CARNMT1: variants seen among roughly 807,000 people sequenced by gnomAD.
The protein encoded by CARNMT1 is carnosine N-methyltransferase 1.
A neutral mutation model predicts 49.6 loss-of-function variants in CARNMT1; 28 were observed. The ratio of observed to expected loss-of-function variants is 0.56; its 90% CI spans 0.42 to 0.77. CARNMT1 has a LOEUF of 0.77. Among genes scored for constraint, CARNMT1 ranks in the 30% least tolerant of loss-of-function variants. The pLI is 0.00. For missense variants in CARNMT1, 421 were observed against 512.6 expected, an observed-to-expected ratio of 0.82 and a Z score of 1.73; for synonymous variants, 178 against 175.0, an observed-to-expected ratio of 1.02 and a Z score of -0.13.
chr9:74,990,208 G>A (rs549540125), intron 6 of CARNMT1, among the ~76,000 whole-genome samples: 1 of 152,216 alleles, frequency 6.6e-6, no homozygotes, highest in East Asian at 1.9e-4. Context: ...CTAACAAACT[G>A]TGCACAGTAT....
chr9:74,999,190 T>C (rs1164742748), intron 4 of CARNMT1, among the ~76,000 whole-genome samples: 1 of 152,116 alleles, frequency 6.6e-6, no homozygotes, highest in Non-Finnish European at 1.5e-5. Flanking sequence ...CGAGACAACA[T>C]ATTATTTAAA....
At chr9:75,016,043 A>C (rs1271811214) in intron 3 of CARNMT1, 1 of 394,764 alleles carries the variant, frequency 2.5e-6, no homozygotes, top group African/African-American at 2.1e-5. Context: ...TAACCTTATT[A>C]TTTAATTTCT....
At chr9:75,017,744 GTTT>G (rs1439551497) in intron 1 of CARNMT1, among the ~76,000 whole-genome samples, 1 of 152,108 alleles carries the variant, frequency 6.6e-6, no homozygotes, top group Admixed American at 6.6e-5. Context: ...TTATTTTTGT[GTTT>G]TAAACTTAAA....
intron 3 of CARNMT1, among the ~76,000 whole-genome samples, chr9:75,009,169 A>C (rs1172913736): frequency 6.6e-6 from 1 of 151,916 alleles, no homozygotes; most frequent in African/African-American, 2.4e-5. Context: ...TTAACTCAAA[A>C]TGGATCAAAG....
rs1368287060 is a variant in CARNMT1, at chr9:75,016,932, T to C, written c.426+321A>G. On this transcript the variant is annotated intron_variant, in intron 2 of 7. Coordinates refer to ENST00000376834, the MANE Select transcript of CARNMT1 (RefSeq NM_152420.3). ...TACAAGACACTGAAAAAATATGAGT[T>C]AAGCAAGGGAAATTAATTTCTAGCT... The C allele has an allele frequency of 1.0e-5, 4 of 386,808 alleles. No homozygotes were observed. In the East Asian group the frequency reaches 1.6e-4, roughly 15 times the overall value. The allele number at this position is 386,808 out of a possible 1,614,324, so 24.0% of individuals were successfully genotyped here. A position where few individuals can be genotyped will look rare whatever the true frequency, so the allele number is the denominator to read the frequency against.
intron 3 of CARNMT1, among the ~76,000 whole-genome samples, chr9:75,010,560 C>T (rs1833658363): frequency 6.6e-6 from 1 of 152,002 alleles, no homozygotes; most frequent in African/African-American, 2.4e-5. Context: ...TCATGTGAAA[C>T]CTAAGAGACG....
chr9:75,014,780 G>A (rs931196872), intron 3 of CARNMT1, among the ~76,000 whole-genome samples: 6 of 152,228 alleles, frequency 3.9e-5, no homozygotes, highest in Admixed American at 1.3e-4. Flanking sequence ...CCAGGAGGCG[G>A]AGGTTGCAGT....
At chr9:75,012,484 G>A (rs1312458292) in intron 3 of CARNMT1, among the ~76,000 whole-genome samples, 3 of 151,726 alleles carry the variant, frequency 2.0e-5, no homozygotes, top group African/African-American at 4.8e-5. Context: ...ACGGGGTTTC[G>A]CCATGTTAGC....
intron 6 of CARNMT1, chr9:74,991,822 C>T (rs556558203): frequency 6.6e-6 from 1 of 152,252 alleles, no homozygotes; most frequent in African/African-American, 2.4e-5. Context: ...CCTATCTACC[C>T]CAACTTCTAA....
chr9:75,028,302 G>T (rs938257691), upstream of CARNMT1: 1 of 1,332,578 alleles, frequency 7.5e-7, no homozygotes. Flanking sequence ...GCGTGGTGGC[G>T]GCTGCTTGGC....
chr9:74,985,200 G>A (rs1015718624), intron 6 of CARNMT1, among the ~76,000 whole-genome samples, 190 bp from the exon 7 acceptor site: 5 of 152,218 alleles, frequency 3.3e-5, no homozygotes, highest in East Asian at 1.9e-4. Flanking sequence ...CACTCATGAG[G>A]AGTGAGTCCC....
At chr9:75,001,881 AT>A (rs1833368803) in intron 3 of CARNMT1, among the ~76,000 whole-genome samples, 1 of 152,218 alleles carries the variant, frequency 6.6e-6, no homozygotes, top group Admixed American at 6.5e-5. Context: ...ACAGACCTTA[AT>A]GGTGAGACAA....
intron 3 of CARNMT1, among the ~76,000 whole-genome samples, chr9:75,015,081 G>A (rs1055023584): frequency 6.6e-6 from 1 of 152,128 alleles, no homozygotes; most frequent in Non-Finnish European, 1.5e-5. Context: ...CCTAACCTGG[G>A]ACAGAGGTTA....
Position 75,017,337 on chromosome 9 carries a change from T to C in CARNMT1, c.342A>G (p.Lys114=). The C allele has an allele frequency of 1.9e-6, 3 of 1,614,076 alleles. No individual in the cohort carries two copies. The highest frequency in any genetic ancestry group is 2.5e-6 in the Non-Finnish European group (3 of 1,179,928). The change falls in exon 2 of 8, where the codon AAA becomes AAG. Residue 114 remains lysine (K), a synonymous_variant. Transcript: ENST00000376834. The part of the protein sequence containing the change: ...QFLLHLDKIR[K]CIDHNQEILL... ...GTATTTCTTGATTATGATCAATGCA[T>C]TTCCGGATCTTGTCCAAGTGAAGAA...
At chr9:74,991,767 T>C (rs1587656818) in intron 6 of CARNMT1, 1 of 152,176 alleles carries the variant, frequency 6.6e-6, no homozygotes, top group Non-Finnish European at 1.5e-5. Flanking sequence ...TCCAGAGTTA[T>C]TCGGGTAAGG....
intron 1 of CARNMT1, among the ~76,000 whole-genome samples, chr9:75,017,706 G>A (rs1833893638): frequency 6.6e-6 from 1 of 152,056 alleles, no homozygotes; most frequent in African/African-American, 2.4e-5. Context: ...AATTAGAAGA[G>A]GAAAAAGAAG....
intron 3 of CARNMT1, among the ~76,000 whole-genome samples, chr9:75,001,387 A>G (rs1026671118): frequency 2.0e-5 from 3 of 152,174 alleles, no homozygotes; most frequent in Non-Finnish European, 2.9e-5. Context: ...ATTCTCCTTA[A>G]CTAAACAGAA....
chr9:75,001,578 G>A (rs953011048), intron 3 of CARNMT1, among the ~76,000 whole-genome samples: 1 of 152,132 alleles, frequency 6.6e-6, no homozygotes, highest in Non-Finnish European at 1.5e-5. Context: ...AAGAGGAAGT[G>A]GACATGTAAG....
At position 74,995,429 on chromosome 9, in the gene CARNMT1, T is replaced by C. The variant is rs529211168; in HGVS notation, c.1024+1018A>G. On this transcript the variant is annotated intron_variant, in intron 6 of 7. Coordinates refer to ENST00000376834, the MANE Select transcript of CARNMT1 (RefSeq NM_152420.3). Reference sequence around the variant, plus strand: ...CCCAGTAGGTAATATCTTTCCATTTTTCCTTGGGAAAAATTTCCCAAGGTA... The same window carrying C: ...CCCAGTAGGTAATATCTTTCCATTTCTCCTTGGGAAAAATTTCCCAAGGTA... Among the ~76,000 whole-genome samples, 9 of 152,314 alleles carry C rather than the reference T, an allele frequency of 5.9e-5. No homozygotes were observed. The East Asian group carries it at 1.3e-3, about 23-fold the overall frequency.
Sources: gnomAD v4.1 joint callset for allele counts (sites outside exome capture counted in the v4.1 genomes callset) on GRCh38, gnomAD v4.1.1 for gene constraint, MANE v1.5 for transcripts, NCBI Gene and HGNC (gene_info 2026-07-23, HGNC 2026-07-21) for gene names.